ANKS1B: variants seen among roughly 807,000 people sequenced by gnomAD.
The protein encoded by ANKS1B is ankyrin repeat and sterile alpha motif domain-containing protein 1B.
In ANKS1B, 36 loss-of-function variants were observed where a neutral mutation model predicts 148.3. The observed-to-expected ratio is 0.24, with a 90% CI of 0.19 to 0.32. The LOEUF (loss-of-function observed/expected upper bound fraction) is 0.32. Ranked by LOEUF, ANKS1B falls within the 10% of genes least tolerant of loss-of-function variation. The pLI, the probability that ANKS1B is intolerant of heterozygous loss-of-function variation, is 1.00. For missense variants in ANKS1B, 1,157 were observed against 1,542.6 expected (o/e 0.75, Z 4.19); for synonymous variants, 542 against 560.8 (o/e 0.97, Z 0.47).
chr12:98,874,466 C>A (rs1267924410), intron 17 of ANKS1B, among the ~76,000 whole-genome samples: 2 of 152,186 alleles, frequency 1.3e-5, no homozygotes, highest in African/African-American at 4.8e-5. Flanking sequence ...TTAGCTTGAA[C>A]ATGAACTGAG....
intron 10 of ANKS1B, among the ~76,000 whole-genome samples, chr12:99,500,651 C>T (rs1366358740): frequency 1.3e-5 from 2 of 152,126 alleles, no homozygotes; most frequent in East Asian, 3.9e-4. Flanking sequence ...ATGTCTTCCT[C>T]AAGCTCCAGG....
chr12:98,850,792 A>G (rs540961840), intron 17 of ANKS1B, among the ~76,000 whole-genome samples: 6 of 151,626 alleles, frequency 4.0e-5, no homozygotes, highest in Non-Finnish European at 8.8e-5. Flanking sequence ...TAAGATGGAA[A>G]AAAAAAAAAA....
intron 10 of ANKS1B, among the ~76,000 whole-genome samples, chr12:99,465,629 A>C (rs1200113863): frequency 3.3e-5 from 5 of 151,798 alleles, no homozygotes; most frequent in Admixed American, 1.3e-4. Context: ...CAAAAAAAGG[A>C]AGGGGTTGCA....
intron 9 of ANKS1B, among the ~76,000 whole-genome samples, chr12:99,586,946 A>G (rs2097648365): frequency 6.6e-6 from 1 of 152,172 alleles, no homozygotes; most frequent in African/African-American, 2.4e-5. Flanking sequence ...AAGAGCTACA[A>G]TTCAAGATGA....
intron 14 of ANKS1B, among the ~76,000 whole-genome samples, chr12:99,197,271 T>A (rs2081501700): frequency 6.6e-6 from 1 of 152,132 alleles, no homozygotes; most frequent in South Asian, 2.1e-4. Context: ...ATATCCTTTA[T>A]AAAAAGTAAT....
At chr12:99,759,238 A>T (rs2061852819) in intron 8 of ANKS1B, among the ~76,000 whole-genome samples, 2 of 151,926 alleles carry the variant, frequency 1.3e-5, no homozygotes, top group South Asian at 4.1e-4. Context: ...CATAGATGGC[A>T]GATGCAAGAA....
intron 14 of ANKS1B, among the ~76,000 whole-genome samples, chr12:99,161,289 C>T (rs538371112): frequency 1.3e-5 from 2 of 152,152 alleles, no homozygotes; most frequent in South Asian, 4.1e-4. Context: ...GTAATCCCAG[C>T]AATTTGGGAG....
intron 12 of ANKS1B, among the ~76,000 whole-genome samples, chr12:99,342,274 T>C (rs1213351863): frequency 1.3e-5 from 2 of 151,934 alleles, no homozygotes; most frequent in African/African-American, 4.8e-5. Flanking sequence ...GGGAAGCTGT[T>C]TGAGTTATAG....
rs1252275660 is a variant in ANKS1B at position 99,045,197 on chromosome 12, C to A, written c.2778+7960G>T. Among the ~76,000 whole-genome samples the A allele has an allele frequency of 2.0e-5, 3 of 152,160 alleles. No homozygotes were observed. In the East Asian group the frequency reaches 5.8e-4, roughly 29 times the overall value. On this transcript the variant is annotated intron_variant, in intron 17 of 26. Transcript: ENST00000683438. ...CTTCTTGATACATGGGTTATAATTA[C>A]AAAAATTTACTATATTTATGAACTT...
chr12:99,683,690 C>T (rs2098633966), intron 8 of ANKS1B, among the ~76,000 whole-genome samples: 1 of 151,872 alleles, frequency 6.6e-6, no homozygotes, highest in South Asian at 2.1e-4. Flanking sequence ...AACAAAAAAC[C>T]AATATCCCTT....
At chr12:99,380,679 A>G (rs2093602724) in intron 12 of ANKS1B, among the ~76,000 whole-genome samples, 2 of 151,980 alleles carry the variant, frequency 1.3e-5, no homozygotes, top group Non-Finnish European at 2.9e-5. Context: ...AAAAAATTAC[A>G]TTTAGCCACA....
At chr12:99,230,237 C>A (rs1324916371) in intron 14 of ANKS1B, among the ~76,000 whole-genome samples, 1 of 152,046 alleles carries the variant, frequency 6.6e-6, no homozygotes, top group Non-Finnish European at 1.5e-5. Context: ...AGGTGACATA[C>A]TTTTGACCCA....
Position 99,632,459 on chromosome 12 carries a change from C to A in ANKS1B, c.1272+22608G>T, listed in dbSNP as rs181916286. The stretch of plus-strand genomic sequence containing the variant: ...ACCTAGTGGAGCCATAGGAGCAAAA[C>A]CACCACCAAAATGCCAGAACTATAC... On this transcript the variant is annotated intron_variant, in intron 9 of 26. Transcript: ENST00000683438. Among the ~76,000 whole-genome samples the A allele has an allele frequency of 5.3e-4, 81 of 151,872 alleles. 1 individual carries two copies. The highest frequency in any genetic ancestry group is 1.8e-3 in the African/African-American group (76 of 41,480).
intron 22 of ANKS1B, among the ~76,000 whole-genome samples, chr12:98,796,444 T>G (rs1220076647): frequency 6.6e-6 from 1 of 152,168 alleles, no homozygotes. Context: ...AATGCCACCA[T>G]GCTGAGAACA....
At chr12:99,636,502 A>G (rs2098237623) in intron 9 of ANKS1B, among the ~76,000 whole-genome samples, 1 of 152,228 alleles carries the variant, frequency 6.6e-6, no homozygotes, top group Admixed American at 6.5e-5. Context: ...CTACATCACT[A>G]GTGTTTCTTA....
chr12:99,936,810 G>A (rs1334194794), intron 1 of ANKS1B, among the ~76,000 whole-genome samples: 2 of 152,150 alleles, frequency 1.3e-5, no homozygotes, highest in Non-Finnish European at 2.9e-5. Flanking sequence ...CTAGAAAAGT[G>A]TAAGTATTCA....
chr12:99,914,636 C>A (rs974454341), intron 1 of ANKS1B, among the ~76,000 whole-genome samples: 3 of 152,022 alleles, frequency 2.0e-5, no homozygotes, highest in African/African-American at 7.3e-5. Flanking sequence ...GCTACAAAGA[C>A]AACTAAATGC....
chr12:99,489,302 T>G (rs1002963696), intron 10 of ANKS1B, among the ~76,000 whole-genome samples: 3 of 149,462 alleles, frequency 2.0e-5, no homozygotes, highest in Non-Finnish European at 4.5e-5. Context: ...CACATTGATA[T>G]AAAAACTATG....
At chr12:99,718,592 T>C (rs1299592162) in intron 8 of ANKS1B, among the ~76,000 whole-genome samples, 6 of 152,230 alleles carry the variant, frequency 3.9e-5, no homozygotes. Flanking sequence ...TCCCCTATTT[T>C]ACCTGTCCTA....
Sources: gnomAD v4.1 joint callset for allele counts (sites outside exome capture counted in the v4.1 genomes callset) on GRCh38, gnomAD v4.1.1 for gene constraint, MANE v1.5 for transcripts, NCBI Gene and HGNC (gene_info 2026-07-23, HGNC 2026-07-21) for gene names.